IGSF5: variants seen among roughly 807,000 people sequenced by gnomAD.
IGSF5 encodes immunoglobulin superfamily 5 like.
Under a neutral mutation model 39.4 loss-of-function variants are expected in IGSF5, and 41 were observed. The ratio of observed to expected loss-of-function variants is 1.04; its 90% CI spans 0.81 to 1.35. The LOEUF (loss-of-function observed/expected upper bound fraction) is 1.35. Ranked by LOEUF, IGSF5 falls within the 40% of genes most tolerant of loss-of-function variation. The pLI is 0.00. For missense variants in IGSF5, 487 were observed against 494.6 expected (o/e 0.98, Z 0.15); for synonymous variants, 183 against 175.3 (o/e 1.04, Z -0.34).
At chr21:39,743,479 T>C (rs1179237402), upstream of IGSF5, among the ~76,000 whole-genome samples, 1 of 152,248 alleles carries the variant, frequency 6.6e-6, no homozygotes, top group Non-Finnish European at 1.5e-5. Flanking sequence ...TTACATGCAC[T>C]CTGGCTGGGC....
At chr21:39,767,611 C>T (rs2080093309) in intron 3 of IGSF5, among the ~76,000 whole-genome samples, 1 of 152,194 alleles carries the variant, frequency 6.6e-6, no homozygotes, top group Non-Finnish European at 1.5e-5. Flanking sequence ...ATTTATTGTG[C>T]TCCCAATAAA....
intron 5 of IGSF5, among the ~76,000 whole-genome samples, chr21:39,784,697 C>G (rs540305642): frequency 4.6e-5 from 7 of 152,154 alleles, no homozygotes; most frequent in Admixed American, 4.6e-4. Flanking sequence ...CTTGCCCCAC[C>G]AGGTGTGATT....
chr21:39,743,537 T>C (rs1047369509), upstream of IGSF5, among the ~76,000 whole-genome samples: 34 of 152,174 alleles, frequency 2.2e-4, no homozygotes, highest in Non-Finnish European at 8.8e-5. Context: ...TCGGGGAATA[T>C]TGGCACTCTT....
In IGSF5 at chr21:39,801,595, T is replaced by C; in HGVS notation, c.*238T>C. 1 of 381,524 alleles carries C rather than the reference T, an allele frequency of 2.6e-6. No individual in the cohort carries two copies. The highest frequency in any genetic ancestry group is 4.7e-6 in the Non-Finnish European group (1 of 212,426). The allele number at this position is 381,524 out of a possible 1,614,324, so 23.6% of individuals were successfully genotyped here. Reference sequence around the variant, plus strand: ...GTTTTTGTGAATTCCATGAAGTTACTAAGTAAAAGCTGCAAATTCATCATA... The same window carrying C: ...GTTTTTGTGAATTCCATGAAGTTACCAAGTAAAAGCTGCAAATTCATCATA... On this transcript the variant is annotated 3_prime_UTR_variant, in exon 9 of 9. Transcript: ENST00000380588.
the IGSF5 span, among the ~76,000 whole-genome samples, chr21:39,713,394 G>A: frequency 6.6e-6 from 1 of 152,208 alleles, no homozygotes; most frequent in African/African-American, 2.4e-5. Flanking sequence ...TGTTGCCATG[G>A]TTAGGTAGCA....
the IGSF5 span, among the ~76,000 whole-genome samples, chr21:39,714,655 G>A: frequency 4.4e-3 from 668 of 152,332 alleles, 5 homozygotes; most frequent in African/African-American, 0.015. Context: ...TTGGCTTATA[G>A]AAGCATCACT....
chr21:39,786,439 A>T (rs1285822182), intron 5 of IGSF5, among the ~76,000 whole-genome samples: 1 of 145,488 alleles, frequency 6.9e-6, no homozygotes, highest in Non-Finnish European at 1.5e-5. Context: ...AATGGCAATC[A>T]TTAAAAAGTC....
chr21:39,712,381 G>A, the IGSF5 span, among the ~76,000 whole-genome samples: 2 of 152,140 alleles, frequency 1.3e-5, no homozygotes, highest in Non-Finnish European at 2.9e-5. Flanking sequence ...TGGACCAGAC[G>A]TTTTGTAAAC....
chr21:39,744,704 C>G (rs1365451615), upstream of IGSF5, among the ~76,000 whole-genome samples: 4 of 152,246 alleles, frequency 2.6e-5, no homozygotes, highest in African/African-American at 9.6e-5. Flanking sequence ...ATAATGGCCC[C>G]ATACTTTAAG....
chr21:39,795,190 CTT>C (rs941769960), intron 8 of IGSF5, among the ~76,000 whole-genome samples: 5 of 152,150 alleles, frequency 3.3e-5, no homozygotes, highest in African/African-American at 1.2e-4. Context: ...GGGCCGCTCT[CTT>C]TGGCACATAC....
At chr21:39,728,918 A>G in the IGSF5 span, among the ~76,000 whole-genome samples, 46 of 152,254 alleles carry the variant, frequency 3.0e-4, 1 homozygote, top group East Asian at 8.5e-3. Flanking sequence ...ACTGAGTCTG[A>G]TGGAGGTTGG....
chr21:39,789,494 G>A (rs1392256493), intron 6 of IGSF5, among the ~76,000 whole-genome samples: 1 of 152,104 alleles, frequency 6.6e-6, no homozygotes, highest in Non-Finnish European at 1.5e-5. Context: ...GAGGGATAAT[G>A]GGGGTTGCCC....
chr21:39,737,367 A>G, the IGSF5 span, among the ~76,000 whole-genome samples: 2 of 152,070 alleles, frequency 1.3e-5, no homozygotes, highest in African/African-American at 4.8e-5. Flanking sequence ...GTGTCCTGCA[A>G]TTCCATTCTG....
At chr21:39,741,445 T>G (rs1006767156), upstream of IGSF5, among the ~76,000 whole-genome samples, 2 of 152,220 alleles carry the variant, frequency 1.3e-5, no homozygotes, top group East Asian at 3.8e-4. Context: ...CCTAAGCATT[T>G]AACCTGCTGT....
chr21:39,788,113 AT>A, intron 5 of IGSF5, 53 bp from the exon 6 acceptor site: 1 of 1,430,420 alleles, frequency 7.0e-7, no homozygotes, highest in South Asian at 1.2e-5. Flanking sequence ...ATGAGACTCG[AT>A]TTTTAGAATA....
At chr21:39,715,580 A>C in the IGSF5 span, among the ~76,000 whole-genome samples, 29 of 152,172 alleles carry the variant, frequency 1.9e-4, no homozygotes, top group African/African-American at 7.0e-4. Flanking sequence ...TCATTCCTTC[A>C]TCCATTTATT....
chr21:39,775,482 A>T (rs1177210903), intron 4 of IGSF5, among the ~76,000 whole-genome samples: 3 of 152,198 alleles, frequency 2.0e-5, no homozygotes, highest in African/African-American at 7.2e-5. Flanking sequence ...ATTTTATATT[A>T]ATCCATTTGG....
rs535740477 is a variant in IGSF5 at position 39,745,531 on chromosome 21, G to A, written c.17+5G>A. On this transcript the variant is annotated splice_donor_5th_base_variant and intron_variant, in intron 1 of 8. Transcript: ENST00000380588. The stretch of plus-strand genomic sequence containing the variant: ...AGGTATGGGTCAGAAGGAAAGGTAA[G>A]GGCGCATGCGTGGGCGACTGTTGAG... 1.8e-5 allele frequency: 13 copies of A among 717,010 alleles called. No individual in the cohort carries two copies. Among genetic ancestry groups the A allele is most frequent in the Non-Finnish European group, 3.4e-5 (13 of 384,810 alleles). 44.4% of individuals were successfully genotyped at this position (717,010 alleles called of 1,614,324 possible).
At chr21:39,725,288 G>A in the IGSF5 span, among the ~76,000 whole-genome samples, 1 of 152,220 alleles carries the variant, frequency 6.6e-6, no homozygotes, top group African/African-American at 2.4e-5. Flanking sequence ...TGTAAAACGT[G>A]GCTAATGTAG....
Sources: allele counts gnomAD v4.1 joint callset (sites outside exome capture counted in the v4.1 genomes callset), GRCh38; gene constraint gnomAD v4.1.1; transcripts MANE v1.5; gene names NCBI Gene and HGNC (gene_info 2026-07-23, HGNC 2026-07-21).